Variants in EEFSEC observed in about 807,000 individuals in gnomAD.
The protein encoded by EEFSEC is eukaryotic elongation factor, selenocysteine-tRNA specific.
In EEFSEC, 43 loss-of-function variants were observed where a neutral mutation model predicts 42.1. That is an observed-to-expected ratio of 1.02 (90% CI 0.80 to 1.32). EEFSEC has a LOEUF of 1.32. EEFSEC is among the 40% of genes most tolerant of loss of function. The pLI, the probability that EEFSEC is intolerant of heterozygous loss-of-function variation, is 0.00. For synonymous variants in EEFSEC, 354 were observed against 339.1 expected, an observed-to-expected ratio of 1.04 and a Z score of -0.48; for missense variants, 745 against 803.6, an observed-to-expected ratio of 0.93 and a Z score of 0.88.
intron 1 of EEFSEC, among the ~76,000 whole-genome samples, chr3:128,183,953 C>T (rs2065438093): frequency 6.6e-6 from 1 of 152,132 alleles, no homozygotes; most frequent in African/African-American, 2.4e-5. Context: ...TGAGAGGATA[C>T]AATAGACCAC....
chr3:128,231,994 C>A (rs1295904655), intron 1 of EEFSEC, among the ~76,000 whole-genome samples: 1 of 152,134 alleles, frequency 6.6e-6, no homozygotes, highest in Admixed American at 6.5e-5. Flanking sequence ...ATTCCTGTGT[C>A]TACCTCTTAC....
At chr3:128,284,882 C>T (rs1343317792) in intron 4 of EEFSEC, among the ~76,000 whole-genome samples, 1 of 152,016 alleles carries the variant, frequency 6.6e-6, no homozygotes, top group Admixed American at 6.5e-5. Context: ...TGTGCTTAAC[C>T]TTAAGCGTTT....
chr3:128,309,955 G>T (rs1263509607), intron 4 of EEFSEC, among the ~76,000 whole-genome samples: 1 of 152,148 alleles, frequency 6.6e-6, no homozygotes, highest in Non-Finnish European at 1.5e-5. Context: ...AACATCCATT[G>T]ACCCATTTAA....
At chr3:128,246,684 CTA>C in intron 1 of EEFSEC, 150 bp from the exon 2 acceptor site, 1 of 808,568 alleles carries the variant, frequency 1.2e-6, no homozygotes, top group South Asian at 1.6e-5. Flanking sequence ...GTCCAAGTGC[CTA>C]GCACAGGGCC....
At chr3:128,214,773 G>C (rs572540207) in intron 1 of EEFSEC, among the ~76,000 whole-genome samples, 1 of 152,264 alleles carries the variant, frequency 6.6e-6, no homozygotes, top group East Asian at 1.9e-4. Flanking sequence ...TTCATTTCCC[G>C]GAGGGAAACT....
intron 4 of EEFSEC, among the ~76,000 whole-genome samples, chr3:128,280,951 G>A (rs559027013): frequency 5.9e-5 from 9 of 152,346 alleles, no homozygotes; most frequent in Admixed American, 4.6e-4. Flanking sequence ...TGCTGTCCCA[G>A]GCTGCCTGCA....
chr3:128,168,139 G>A (rs2065260403), intron 1 of EEFSEC, among the ~76,000 whole-genome samples: 1 of 152,194 alleles, frequency 6.6e-6, no homozygotes, highest in South Asian at 2.1e-4. Flanking sequence ...ACTTGCCCCA[G>A]AGCTTGGGGA....
At chr3:128,216,786 G>A (rs1036005531) in intron 1 of EEFSEC, among the ~76,000 whole-genome samples, 7 of 152,326 alleles carry the variant, frequency 4.6e-5, no homozygotes, top group South Asian at 4.1e-4. Flanking sequence ...ACAGATCTCC[G>A]TGTGGTCCCC....
chr3:128,249,473 A>G (rs772404306), intron 2 of EEFSEC, among the ~76,000 whole-genome samples: 8 of 152,192 alleles, frequency 5.3e-5, no homozygotes, highest in Non-Finnish European at 7.3e-5. Flanking sequence ...ATGTAAGTGT[A>G]TAATTCAGAG....
At position 128,393,058 on chromosome 3, in the gene EEFSEC, C is replaced by T. The variant is rs562030010; in HGVS notation, c.1601-15011C>T. Reference sequence around the variant, plus strand: ...CATGGGAAGGAGCAGGAGGTGGCAGCTTTTCCCAGCGCCCAGGCACCTGGC... The same window carrying T: ...CATGGGAAGGAGCAGGAGGTGGCAGTTTTTCCCAGCGCCCAGGCACCTGGC... On this transcript the variant is annotated intron_variant, in intron 6 of 6. Transcript: ENST00000254730. 2.0e-4 allele frequency among the ~76,000 whole-genome samples: 31 copies of T among 152,378 alleles called. 1 individual carries two copies. Among genetic ancestry groups the T allele is most frequent in the African/African-American group, 7.2e-4 (30 of 41,596 alleles).
chr3:128,249,484 C>T (rs2066161921), intron 2 of EEFSEC, among the ~76,000 whole-genome samples: 1 of 152,014 alleles, frequency 6.6e-6, no homozygotes, highest in South Asian at 2.1e-4. Flanking sequence ...TAATTCAGAG[C>T]TATCAAGTAC....
intron 1 of EEFSEC, among the ~76,000 whole-genome samples, chr3:128,196,387 T>C (rs1290423911): frequency 3.3e-5 from 5 of 152,256 alleles, no homozygotes; most frequent in African/African-American, 1.2e-4. Flanking sequence ...GGATGTGTGC[T>C]GTGATACAAA....
intron 4 of EEFSEC, among the ~76,000 whole-genome samples, chr3:128,308,892 A>G (rs935904113): frequency 6.6e-6 from 1 of 152,208 alleles, no homozygotes; most frequent in Non-Finnish European, 1.5e-5. Context: ...CGTCTGTGAA[A>G]TGGAGCTGCT....
intron 6 of EEFSEC, among the ~76,000 whole-genome samples, chr3:128,367,517 G>A (rs1245454422): frequency 1.3e-5 from 2 of 152,306 alleles, no homozygotes; most frequent in East Asian, 1.9e-4. Context: ...TATCACCTCC[G>A]CATCGAACCA....
At chr3:128,164,618 G>A (rs935589716) in intron 1 of EEFSEC, among the ~76,000 whole-genome samples, 3 of 152,164 alleles carry the variant, frequency 2.0e-5, no homozygotes, top group Non-Finnish European at 4.4e-5. Context: ...CTGGCTTGTG[G>A]GAATTGTGAA....
intron 6 of EEFSEC, among the ~76,000 whole-genome samples, chr3:128,366,661 A>G (rs2067594146): frequency 6.6e-6 from 1 of 152,248 alleles, no homozygotes; most frequent in Non-Finnish European, 1.5e-5. Flanking sequence ...GTGTGTGGAA[A>G]GTATTTTTCT....
intron 4 of EEFSEC, among the ~76,000 whole-genome samples, chr3:128,288,250 G>A (rs896281593): frequency 3.3e-5 from 5 of 152,100 alleles, no homozygotes; most frequent in African/African-American, 7.2e-5. Context: ...GACAAAACTC[G>A]GCTCTGAGGG....
rs1158654744 is a variant in EEFSEC at position 128,284,174 on chromosome 3, T to C, written c.786+19393T>C. On this transcript the variant is annotated intron_variant, in intron 4 of 6. Coordinates refer to ENST00000254730, the MANE Select transcript of EEFSEC (RefSeq NM_021937.5). ...TCCTCTTTCAATAATGAAGATCCTA[T>C]AGTCATGAAGCTGACTGTAAAGCCC... Among the ~76,000 whole-genome samples, 3 of 152,210 alleles carry C rather than the reference T, an allele frequency of 2.0e-5. No individual in the cohort carries two copies. In the East Asian group the frequency reaches 5.8e-4, roughly 29 times the overall value.
At chr3:128,196,847 G>C (rs1205518626) in intron 1 of EEFSEC, among the ~76,000 whole-genome samples, 1 of 152,172 alleles carries the variant, frequency 6.6e-6, no homozygotes, top group Non-Finnish European at 1.5e-5. Context: ...AAAGAGCCTC[G>C]CACAGTGTGG....
Sources: gnomAD v4.1 joint callset for allele counts (sites outside exome capture counted in the v4.1 genomes callset) on GRCh38, gnomAD v4.1.1 for gene constraint, MANE v1.5 for transcripts, NCBI Gene and HGNC (gene_info 2026-07-23, HGNC 2026-07-21) for gene names.